ZNF746: variants seen among roughly 807,000 people sequenced by gnomAD.
The protein encoded by ZNF746 is zinc finger protein 746.
A neutral mutation model predicts 41.0 loss-of-function variants in ZNF746; 13 were observed. The observed-to-expected ratio is 0.32, with a 90% confidence interval of 0.21 to 0.50. The LOEUF (loss-of-function observed/expected upper bound fraction) is 0.50, where lower values mean the gene tolerates loss of function less well. ZNF746 is among the 20% of genes least tolerant of loss of function. ZNF746 has a pLI of 0.98. For missense variants in ZNF746, 811 were observed against 922.9 expected (o/e 0.88, Z 1.57); for synonymous variants, 424 against 396.2 (o/e 1.07, Z -0.83).
intron 4 of ZNF746, among the ~76,000 whole-genome samples, chr7:149,484,695 AC>A (rs1249152238): frequency 2.1e-5 from 3 of 142,582 alleles, no homozygotes; most frequent in African/African-American, 7.8e-5. Context: ...AAGAAAAAAA[AC>A]CCATAAATAT....
chr7:149,484,530 A>T (rs901194080), intron 4 of ZNF746, among the ~76,000 whole-genome samples: 2 of 152,206 alleles, frequency 1.3e-5, no homozygotes, highest in Non-Finnish European at 2.9e-5. Context: ...CTTTAGCCAG[A>T]TAAAGGATAT....
In ZNF746 at chr7:149,477,659, G is replaced by T. The variant is rs770661123; in HGVS notation, c.662C>A (p.Ala221Glu). ...AATATCTGGCTGCCCGGCTGCCCAC[G>T]CCTCCACGCCCAGGGCCTGCTGCTC... ...LQEQQALGVE[A>E]WAAGQPDIGE... The change falls in exon 5 of 7, where the codon GCG (alanine) becomes GAG (glutamate). Residue 221 changes from alanine (A) to glutamate (E), a missense_variant. This residue lies in a region of ZNF746 where 495 missense variants were observed against 481.6 expected (regional missense o/e 1.03). Transcript: ENST00000458143. The T allele has an allele frequency of 6.2e-7, 1 of 1,613,960 alleles. No homozygotes were observed. Among genetic ancestry groups the T allele is most frequent in the South Asian group, 1.1e-5 (1 of 91,068 alleles).
chr7:149,479,366 G>A (rs182055834), intron 4 of ZNF746, among the ~76,000 whole-genome samples: 2 of 152,170 alleles, frequency 1.3e-5, no homozygotes, highest in Non-Finnish European at 2.9e-5. Flanking sequence ...CAAATGTTGA[G>A]AGAAAACATC....
chr7:149,488,100 T>C (rs1038185530), intron 4 of ZNF746: 3 of 152,020 alleles, frequency 2.0e-5, no homozygotes, highest in Admixed American at 6.6e-5. Flanking sequence ...CTTGTGCACA[T>C]GCAGAAACCA....
intron 4 of ZNF746, among the ~76,000 whole-genome samples, chr7:149,492,340 C>G (rs1800832215): frequency 6.6e-6 from 1 of 152,190 alleles, no homozygotes; most frequent in Non-Finnish European, 1.5e-5. Flanking sequence ...TATGATTTTC[C>G]TAGTAACATT....
rs745809829 is a variant in ZNF746 at position 149,494,193 on chromosome 7, C to T, written c.324+11G>A. ...CTTGGGCTCCCACACCCCAAGGCGT[C>T]CCAGGGCTACCTTAGGGGACTCCCC... is the stretch of plus-strand genomic sequence containing the variant. On this transcript the variant is annotated intron_variant, in intron 2 of 6. Transcript: ENST00000458143. This position sits in a 1 kb window ranked among gnomAD's most constrained non-coding sequence, Gnocchi z 5.6. The T allele has an allele frequency of 2.5e-6, 4 of 1,613,820 alleles. No individual in the cohort carries two copies. The highest frequency in any genetic ancestry group is 3.4e-6 in the Non-Finnish European group (4 of 1,179,752).
rs931534484 is a variant in ZNF746, at chr7:149,477,724, G to A, written c.597C>T (p.Leu199=). Residue 199 remains leucine, a synonymous_variant, in exon 5 of 7, where the codon CTC becomes CTT. Transcript: ENST00000458143. ...GSGPPVPAPD[L]LMQIKQEGEL... is the part of the protein sequence containing the mutation. ...CACCCTCCTGCTTGATCTGCATCAA[G>A]AGGTCTGGGGCGGGAACTGGGGGCC... 31 of 1,610,916 alleles carry A rather than the reference G, an allele frequency of 1.9e-5. No individual in the cohort carries two copies. Among genetic ancestry groups the A allele is most frequent in the Non-Finnish European group, 2.5e-5 (30 of 1,177,712 alleles).
At position 149,477,816 on chromosome 7, in the gene ZNF746, C is replaced by G. The variant is rs537584810; in HGVS notation, c.566-61G>C. ...CGGCCCCTCAGCCCTGGGGCATACA[C>G]GCATCCAGCCGGAGAGATAGACACA... On this transcript the variant is annotated intron_variant, in intron 4 of 6. Transcript: ENST00000458143. 29 of 1,389,790 alleles carry G rather than the reference C, an allele frequency of 2.1e-5. No homozygotes were observed. The South Asian group carries it at 3.0e-4, about 14-fold the overall frequency. The allele number at this position is 1,389,790 out of a possible 1,614,324, so 86.1% of individuals were successfully genotyped here.
Position 149,474,846 on chromosome 7 carries a change from G to A in ZNF746, c.1521C>T (p.Gly507=). The A allele has an allele frequency of 2.1e-6, 3 of 1,421,916 alleles. No individual in the cohort carries two copies. Among genetic ancestry groups the A allele is most frequent in the Non-Finnish European group, 2.7e-6 (3 of 1,094,628 alleles). The allele number at this position is 1,421,916 out of a possible 1,614,324, so 88.1% of individuals were successfully genotyped here. Residue 507 remains glycine, a synonymous_variant, in exon 7 of 7, where the codon GGC becomes GGT. Coordinates refer to ENST00000458143, the MANE Select transcript of ZNF746 (RefSeq NM_001394198.1). The surrounding 1 kb of genome is among the most constrained non-coding windows in gnomAD (Gnocchi z 6.3). ...SGPGTGGGGS[G]SGGGGGGSGG... is the part of the protein sequence containing the mutation. ...CGCTGCCGCCACCGCCGCCGCCACT[G>A]CCGCTGCCGCCACCGCCTGTGCCCG... is the stretch of plus-strand genomic sequence containing the variant.
At position 149,497,110 on chromosome 7, in the gene ZNF746, A is replaced by T; in HGVS notation, c.24+403T>A. ...TCGGTGTATGCGGATTCGAAGCCGG[A>T]CACCTCCCAGGTGCCACCAGGCCGC... On this transcript the variant is annotated intron_variant, in intron 1 of 6. Coordinates refer to ENST00000458143, the MANE Select transcript of ZNF746 (RefSeq NM_001394198.1). The surrounding 1 kb of genome is among the most constrained non-coding windows in gnomAD (Gnocchi z 4.2). 4 of 985,250 alleles carry T rather than the reference A, an allele frequency of 4.1e-6. No homozygotes were observed. The highest frequency in any genetic ancestry group is 4.8e-6 in the Non-Finnish European group (4 of 829,892). 61.0% of individuals were successfully genotyped at this position (985,250 alleles called of 1,614,324 possible). A position where few individuals can be genotyped will look rare whatever the true frequency, so the allele number is the denominator to read the frequency against.
In ZNF746 at chr7:149,477,723, A is replaced by G. The variant is rs769830136; in HGVS notation, c.598T>C (p.Leu200=). 1.2e-5 allele frequency: 19 copies of G among 1,612,628 alleles called. No homozygotes were observed. The highest frequency in any genetic ancestry group is 1.6e-5 in the Non-Finnish European group (19 of 1,179,024). ...SGPPVPAPDL[L]MQIKQEGELQ... ...TCACCCTCCTGCTTGATCTGCATCA[A>G]GAGGTCTGGGGCGGGAACTGGGGGC... Residue 200 remains leucine, a synonymous_variant, in exon 5 of 7, where the codon TTG becomes CTG. Coordinates refer to ENST00000458143, the MANE Select transcript of ZNF746 (RefSeq NM_001394198.1).
Position 149,497,692 on chromosome 7 carries a change from G to T in ZNF746, c.-156C>A. Reference sequence around the variant, plus strand: ...TCGCTGGCTGCCCCTGCGCCGCGCCGCCCGCAGTCGCGCCGCCTCCGTCAG... The same window carrying T: ...TCGCTGGCTGCCCCTGCGCCGCGCCTCCCGCAGTCGCGCCGCCTCCGTCAG... On this transcript the variant is annotated 5_prime_UTR_variant, in exon 1 of 7. Coordinates refer to ENST00000458143, the MANE Select transcript of ZNF746 (RefSeq NM_001394198.1). This position sits in a 1 kb window ranked among gnomAD's most constrained non-coding sequence, Gnocchi z 4.2. 1 of 446,360 alleles carries T rather than the reference G, an allele frequency of 2.2e-6. No individual in the cohort carries two copies. Among genetic ancestry groups the T allele is most frequent in the Non-Finnish European group, 3.0e-6 (1 of 336,004 alleles). 27.6% of individuals were successfully genotyped at this position (446,360 alleles called of 1,614,324 possible). A position where few individuals can be genotyped will look rare whatever the true frequency, so the allele number is the denominator to read the frequency against.
chr7:149,487,341 A>C (rs980355841), intron 4 of ZNF746, among the ~76,000 whole-genome samples: 3 of 152,218 alleles, frequency 2.0e-5, no homozygotes, highest in African/African-American at 7.2e-5. Context: ...CACAATAAAA[A>C]CTTTTGGGTA....
chr7:149,492,919 G>A lies in ZNF746; in HGVS notation c.505C>T (p.Pro169Ser), dbSNP rs1800857872. ...VLSQIEQGKEPCNWRRPGPKI... is the reference protein window; with the variant it reads ...VLSQIEQGKESCNWRRPGPKI... ...GGGCCAGGGCGGCGCCAGTTGCAGG[G>A]CTCCTTCCCTTGTTCAATCTGGGAG... The change falls in exon 4 of 7, where the codon CCC becomes TCC. Residue 169 changes from proline to serine, a missense_variant. Transcript: ENST00000458143. 2 of 1,614,084 alleles carry A rather than the reference G, an allele frequency of 1.2e-6. No individual in the cohort carries two copies. The highest frequency in any genetic ancestry group is 1.1e-5 in the South Asian group (1 of 91,076).
intron 4 of ZNF746, among the ~76,000 whole-genome samples, chr7:149,485,907 T>G: frequency 6.6e-6 from 1 of 152,048 alleles, no homozygotes. Context: ...GGCGTGGTGG[T>G]GCACACCTGT....
intron 4 of ZNF746, chr7:149,492,078 G>A: frequency 1.5e-6 from 1 of 688,934 alleles, no homozygotes; most frequent in Admixed American, 2.0e-5. Flanking sequence ...GTTCTTGGAG[G>A]CAAGGCTGAC....
At chr7:149,481,884 A>G (rs1356856933) in intron 4 of ZNF746, among the ~76,000 whole-genome samples, 1 of 152,226 alleles carries the variant, frequency 6.6e-6, no homozygotes, top group African/African-American at 2.4e-5. Context: ...AACCATAATC[A>G]ATGTAAATGG....
chr7:149,484,773 C>T (rs1800574555), intron 4 of ZNF746, among the ~76,000 whole-genome samples: 1 of 151,986 alleles, frequency 6.6e-6, no homozygotes, highest in Admixed American at 6.5e-5. Flanking sequence ...AATGATTAGA[C>T]AATTAATAGA....
chr7:149,479,385 C>T (rs1007528162), intron 4 of ZNF746, among the ~76,000 whole-genome samples: 12 of 152,166 alleles, frequency 7.9e-5, no homozygotes, highest in Admixed American at 2.6e-4. Context: ...TCTGTCAACT[C>T]ATTTTATGAG....
Sources: allele counts gnomAD v4.1 joint callset (sites outside exome capture counted in the v4.1 genomes callset), GRCh38; gene constraint gnomAD v4.1.1; regional missense constraint gnomAD v4.1.1; non-coding constraint Gnocchi (gnomAD v3.1); transcripts MANE v1.5; gene names NCBI Gene and HGNC (gene_info 2026-07-23, HGNC 2026-07-21).